The following SLC22A23 variants were observed in gnomAD, a reference collection of about 807,000 sequenced individuals.
SLC22A23 encodes ion transporter protein.
Under a neutral mutation model 61.0 loss-of-function variants are expected in SLC22A23, and 26 were observed. That is an observed-to-expected ratio of 0.43 (90% CI 0.31 to 0.59). The LOEUF is 0.59. SLC22A23 is among the 20% of genes least tolerant of loss of function. SLC22A23 has a pLI of 0.11. For missense variants in SLC22A23, 796 were observed against 934.7 expected (o/e 0.85, Z 1.94); for synonymous variants, 430 against 413.9 (o/e 1.04, Z -0.47).
rs9501970 is a variant in SLC22A23, at chr6:3,271,275, T to C, written c.*1780A>G. 0.09 allele frequency: 13,704 copies of C among 152,366 alleles called. 721 individuals carry two copies. The highest frequency in any genetic ancestry group is 0.17 in the Middle Eastern group (51 of 294). 9.4% of individuals were successfully genotyped at this position (152,366 alleles called of 1,614,324 possible). A position where few individuals can be genotyped will look rare whatever the true frequency, so the allele number is the denominator to read the frequency against. ...GGAGCAAGTGGAGGCAGGGAGAGGC[T>C]GGCCAGACAGCCTCCCTTCCTGGGT... On this transcript the variant is annotated 3_prime_UTR_variant, in exon 10 of 10. Transcript: ENST00000406686.
At chr6:3,294,583 C>T (rs79249525) in intron 5 of SLC22A23, among the ~76,000 whole-genome samples, 126 of 152,308 alleles carry the variant, frequency 8.3e-4, no homozygotes, top group African/African-American at 2.9e-3. Context: ...TCCCGGGTCT[C>T]GTTTTTGCAT....
intron 1 of SLC22A23, among the ~76,000 whole-genome samples, chr6:3,444,589 G>A (rs1037611527): frequency 6.6e-6 from 1 of 152,332 alleles, no homozygotes; most frequent in South Asian, 2.1e-4. Context: ...AACTCCAGGA[G>A]GCAGTGAAGC....
intron 1 of SLC22A23, among the ~76,000 whole-genome samples, chr6:3,432,912 AG>A (rs1222015169): frequency 6.6e-6 from 1 of 152,212 alleles, no homozygotes; most frequent in Non-Finnish European, 1.5e-5. Context: ...AACCTTGTGA[AG>A]GGAACGTACA....
At chr6:3,419,205 C>A (rs947392301) in intron 1 of SLC22A23, among the ~76,000 whole-genome samples, 1 of 152,172 alleles carries the variant, frequency 6.6e-6, no homozygotes, top group African/African-American at 2.4e-5. Context: ...CTAGTCACCT[C>A]CCTCCCCATC....
intron 5 of SLC22A23, chr6:3,291,560 C>T (rs897799879): frequency 3.3e-5 from 5 of 152,192 alleles, no homozygotes; most frequent in African/African-American, 9.7e-5. Flanking sequence ...CCCACAGGGC[C>T]GGCGTTTCAG....
At position 3,280,652 on chromosome 6, in the gene SLC22A23, C is replaced by T. The variant is rs112606997; in HGVS notation, c.1703+3200G>A. ...CTGGGACTACAGGCGCCCGCCACCA[C>T]GCCCGGCTAATTTTTTTTGTATTTT... On this transcript the variant is annotated intron_variant, in intron 9 of 9. Transcript: ENST00000406686. Among the ~76,000 whole-genome samples, 799 of 152,018 alleles carry T rather than the reference C, an allele frequency of 5.3e-3. 10 individuals carry two copies. The highest frequency in any genetic ancestry group is 0.018 in the African/African-American group (761 of 41,468).
intron 4 of SLC22A23, chr6:3,302,907 C>T (rs1761716988): frequency 6.6e-6 from 1 of 152,146 alleles, no homozygotes; most frequent in Admixed American, 6.5e-5. Context: ...AAACAATCAA[C>T]AGACTGAAAA....
chr6:3,395,499 A>G (rs901206164), intron 3 of SLC22A23, among the ~76,000 whole-genome samples: 3 of 152,252 alleles, frequency 2.0e-5, no homozygotes, highest in African/African-American at 7.2e-5. Context: ...GACAGCCATA[A>G]ATGGACTAAC....
Position 3,333,532 on chromosome 6 carries a change from C to G in SLC22A23, c.914-9530G>C, listed in dbSNP as rs977415014. On this transcript the variant is annotated intron_variant, in intron 3 of 9. Coordinates refer to ENST00000406686, the MANE Select transcript of SLC22A23 (RefSeq NM_015482.2). This position sits in a 1 kb window ranked among gnomAD's most constrained non-coding sequence, Gnocchi z 4.1. ...CTCCTCTAACCCAGCAAGCACACCC[C>G]CCTTCTGGGCTGTGCACTCCCCGTC... 6.6e-5 allele frequency among the ~76,000 whole-genome samples: 10 copies of G among 152,330 alleles called. No homozygotes were observed. Among genetic ancestry groups the G allele is most frequent in the South Asian group, 4.1e-4 (2 of 4,824 alleles).
chr6:3,439,500 A>C (rs73723006), intron 1 of SLC22A23: 8,712 of 266,106 alleles, frequency 0.033, 519 homozygotes, highest in African/African-American at 0.14. Flanking sequence ...AATCAACTCC[A>C]GAGCCCAGTA....
chr6:3,375,629 C>A (rs1452382831), intron 3 of SLC22A23, among the ~76,000 whole-genome samples: 1 of 152,188 alleles, frequency 6.6e-6, no homozygotes, highest in Non-Finnish European at 1.5e-5. Flanking sequence ...TCTCTCACCA[C>A]AGAGGGGATT....
At chr6:3,294,655 C>T (rs1170326542) in intron 5 of SLC22A23, among the ~76,000 whole-genome samples, 1 of 152,176 alleles carries the variant, frequency 6.6e-6, no homozygotes, top group African/African-American at 2.4e-5. Context: ...GCTTTAAACG[C>T]TCAAAACCTC....
At chr6:3,446,390 T>C (rs936971579) in intron 1 of SLC22A23, among the ~76,000 whole-genome samples, 5 of 152,232 alleles carry the variant, frequency 3.3e-5, no homozygotes, top group African/African-American at 1.2e-4. Flanking sequence ...GACAATCTTT[T>C]ACCTAGACTA....
chr6:3,368,796 C>T (rs1766009735), intron 3 of SLC22A23, among the ~76,000 whole-genome samples: 1 of 152,112 alleles, frequency 6.6e-6, no homozygotes, highest in Non-Finnish European at 1.5e-5. Flanking sequence ...AGAGGAAGTC[C>T]AATCAGGCCA....
chr6:3,435,807 A>G (rs1771171391), intron 1 of SLC22A23, among the ~76,000 whole-genome samples: 1 of 152,172 alleles, frequency 6.6e-6, no homozygotes, highest in South Asian at 2.1e-4. Context: ...TTAAAGTTAA[A>G]GTAAGGTCTC....
rs532178337 is a variant in SLC22A23 at position 3,269,684 on chromosome 6, G to C, written c.*3371C>G. 1 of 152,888 alleles carries C rather than the reference G, an allele frequency of 6.5e-6. No individual in the cohort carries two copies. Among genetic ancestry groups the C allele is most frequent in the Admixed American group, 6.5e-5 (1 of 15,304 alleles). 9.5% of individuals were successfully genotyped at this position (152,888 alleles called of 1,614,324 possible). On this transcript the variant is annotated 3_prime_UTR_variant, in exon 10 of 10. Transcript: ENST00000406686. ...ACAGGGAGGGAAGTGTTCGCCGCTA[G>C]ACATGACACACCATACTGCTTTTCC...
Position 3,330,708 on chromosome 6 carries a change from A to C in SLC22A23, c.914-6706T>G, listed in dbSNP as rs554010372. On this transcript the variant is annotated intron_variant, in intron 3 of 9. Transcript: ENST00000406686. This position sits in a 1 kb window ranked among gnomAD's most constrained non-coding sequence, Gnocchi z 4.7. Reference sequence around the variant, plus strand: ...GAGGGTATTCCTGTAAAAGCTTGCCATTACAGCTCTACATCTCCCCTTCCG... The same window carrying C: ...GAGGGTATTCCTGTAAAAGCTTGCCCTTACAGCTCTACATCTCCCCTTCCG... Among the ~76,000 whole-genome samples, 9 of 152,216 alleles carry C rather than the reference A, an allele frequency of 5.9e-5. No homozygotes were observed. Among genetic ancestry groups the C allele is most frequent in the Non-Finnish European group, 1.3e-4 (9 of 68,036 alleles).
chr6:3,405,666 G>A (rs1006295281), intron 3 of SLC22A23, among the ~76,000 whole-genome samples: 3 of 148,468 alleles, frequency 2.0e-5, no homozygotes, highest in African/African-American at 7.6e-5. Context: ...GATGCTTAAA[G>A]ATCCTGTTGA....
chr6:3,269,376 T>C lies in SLC22A23; in HGVS notation c.*3679A>G, dbSNP rs1758329367. 1 of 152,352 alleles carries C rather than the reference T, an allele frequency of 6.6e-6. No individual in the cohort carries two copies. Among genetic ancestry groups the C allele is most frequent in the Non-Finnish European group, 1.5e-5 (1 of 68,020 alleles). 9.4% of individuals were successfully genotyped at this position (152,352 alleles called of 1,614,324 possible). Reference sequence around the variant, plus strand: ...GTGAGGTCTGAATGAACACGGAGGATTTTATTACTCACCATTAATGGTAGT... The same window carrying C: ...GTGAGGTCTGAATGAACACGGAGGACTTTATTACTCACCATTAATGGTAGT... On this transcript the variant is annotated 3_prime_UTR_variant, in exon 10 of 10. Transcript: ENST00000406686.
Sources: gnomAD v4.1 joint callset for allele counts (sites outside exome capture counted in the v4.1 genomes callset) on GRCh38, gnomAD v4.1.1 for gene constraint, Gnocchi (gnomAD v3.1) non-coding constraint, MANE v1.5 for transcripts, NCBI Gene and HGNC (gene_info 2026-07-23, HGNC 2026-07-21) for gene names.